The following KLF12 variants were observed in gnomAD, a reference collection of about 807,000 sequenced individuals.
KLF12 encodes Krueppel-like factor 12.
Under a neutral mutation model 37.8 loss-of-function variants are expected in KLF12, and 9 were observed. That is an observed-to-expected ratio of 0.24 (90% CI 0.14 to 0.42). The LOEUF (loss-of-function observed/expected upper bound fraction) is 0.42, where lower values mean the gene tolerates loss of function less well. KLF12 is among the 10% of genes least tolerant of loss of function. The pLI is 1.00. For missense variants in KLF12, 411 were observed against 516.0 expected (o/e 0.80, Z 1.97); for synonymous variants, 208 against 202.1 (o/e 1.03, Z -0.25).
intron 4 of KLF12, among the ~76,000 whole-genome samples, chr13:73,819,487 T>C (rs569793290): frequency 3.7e-4 from 56 of 152,310 alleles, no homozygotes; most frequent in African/African-American, 1.3e-3. Flanking sequence ...TTGGATAATA[T>C]ATAAAACTAC....
At chr13:73,910,428 A>G (rs998860694) in intron 3 of KLF12, among the ~76,000 whole-genome samples, 1 of 152,186 alleles carries the variant, frequency 6.6e-6, no homozygotes, top group Non-Finnish European at 1.5e-5. Flanking sequence ...ATAATCTTAA[A>G]CTACAGATTG....
chr13:74,123,301 G>C (rs938030600), intron 1 of KLF12, among the ~76,000 whole-genome samples: 2 of 152,094 alleles, frequency 1.3e-5, no homozygotes, highest in Non-Finnish European at 2.9e-5. Flanking sequence ...ACCTAAATAG[G>C]AAAAGTTTTT....
chr13:74,052,979 G>A (rs942881549), intron 1 of KLF12, among the ~76,000 whole-genome samples: 12 of 152,006 alleles, frequency 7.9e-5, no homozygotes, highest in Admixed American at 1.3e-4. Context: ...ATCCACCACC[G>A]TCATACAAGA....
intron 7 of KLF12, among the ~76,000 whole-genome samples, chr13:73,704,648 G>A (rs1874803557): frequency 6.6e-6 from 1 of 152,152 alleles, no homozygotes; most frequent in Non-Finnish European, 1.5e-5. Context: ...CCATGCTGTA[G>A]AGAAAGAAAA....
the KLF12 span, among the ~76,000 whole-genome samples, chr13:74,243,176 A>C: frequency 6.6e-6 from 1 of 151,540 alleles, no homozygotes; most frequent in Non-Finnish European, 1.5e-5. Flanking sequence ...TCATTGTTCA[A>C]CTCCCACTTA....
chr13:74,003,197 G>A (rs1328104997), intron 1 of KLF12, among the ~76,000 whole-genome samples: 8 of 152,202 alleles, frequency 5.3e-5, no homozygotes, highest in Non-Finnish European at 7.3e-5. Flanking sequence ...ATAGTGGGAA[G>A]TGGAAGGAAA....
intron 5 of KLF12, 116 bp downstream of exon 5, chr13:73,813,036 A>G (rs551396249): frequency 6.3e-5 from 68 of 1,072,708 alleles, no homozygotes; most frequent in Non-Finnish European, 8.6e-5. Flanking sequence ...AGCTGCTGAC[A>G]TTCGTGCCAG....
At chr13:73,999,984 T>C (rs917347453) in intron 1 of KLF12, among the ~76,000 whole-genome samples, 2 of 152,148 alleles carry the variant, frequency 1.3e-5, no homozygotes, top group Admixed American at 6.5e-5. Context: ...TTGGGAGTAA[T>C]GTGACCTGGG....
chr13:74,275,778 T>TTTTCTTTCTTTCTTTCTTTCCTTC, the KLF12 span, among the ~76,000 whole-genome samples: 1 of 93,836 alleles, frequency 1.1e-5, no homozygotes, highest in African/African-American at 4.4e-5. Flanking sequence ...ATGCCTGTCT[T>TTTTCTTTCTTTCTTTCTTTCCTTC]TTTCTTTCTT....
At chr13:74,228,113 C>T in the KLF12 span, among the ~76,000 whole-genome samples, 2 of 152,060 alleles carry the variant, frequency 1.3e-5, no homozygotes, top group African/African-American at 2.4e-5. Context: ...TTTTAAATGT[C>T]GGTTTTCTTC....
chr13:73,959,733 T>G (rs1298028509), intron 2 of KLF12, among the ~76,000 whole-genome samples: 1 of 152,090 alleles, frequency 6.6e-6, no homozygotes, highest in Non-Finnish European at 1.5e-5. Flanking sequence ...TAAAGAGACA[T>G]TTTAGGAACC....
the KLF12 span, among the ~76,000 whole-genome samples, chr13:74,263,447 A>G: frequency 6.6e-6 from 1 of 152,208 alleles, no homozygotes; most frequent in Non-Finnish European, 1.5e-5. Flanking sequence ...TGGGTTTGAG[A>G]TCATTGCTTT....
In KLF12 at chr13:73,765,004, T is replaced by C; in HGVS notation, c.807-4A>G. The C allele has an allele frequency of 6.5e-7, 1 of 1,526,994 alleles. No individual in the cohort carries two copies. The highest frequency in any genetic ancestry group is 9.0e-7 in the Non-Finnish European group (1 of 1,114,858). 94.6% of individuals were successfully genotyped at this position (1,526,994 alleles called of 1,614,324 possible). A position where few individuals can be genotyped will look rare whatever the true frequency, so the allele number is the denominator to read the frequency against. Reference sequence around the variant, plus strand: ...TGATACTGGGGACGGATGTACCCTGTAGACAGAGAAGAATAATCCAGTCAT... The same window carrying C: ...TGATACTGGGGACGGATGTACCCTGCAGACAGAGAAGAATAATCCAGTCAT... On this transcript the variant is annotated splice_region_variant and splice_polypyrimidine_tract_variant and intron_variant, in intron 5 of 7. Coordinates refer to ENST00000377669, the MANE Select transcript of KLF12 (RefSeq NM_007249.5).
chr13:74,036,284 C>T (rs187202348), intron 1 of KLF12, among the ~76,000 whole-genome samples: 1 of 152,316 alleles, frequency 6.6e-6, no homozygotes, highest in East Asian at 1.9e-4. Flanking sequence ...TCTGAAGAGA[C>T]TCTTAGTTCT....
At chr13:74,065,679 A>C (rs753223185) in intron 1 of KLF12, among the ~76,000 whole-genome samples, 17 of 152,108 alleles carry the variant, frequency 1.1e-4, no homozygotes, top group Non-Finnish European at 2.5e-4. Flanking sequence ...ATAAATTCCC[A>C]GTTTCTGAGC....
At chr13:73,887,060 C>T (rs948175284) in intron 3 of KLF12, among the ~76,000 whole-genome samples, 4 of 151,518 alleles carry the variant, frequency 2.6e-5, no homozygotes, top group African/African-American at 9.7e-5. Context: ...AGCAAAACCA[C>T]TCACTCACTA....
chr13:74,244,625 A>ATT, the KLF12 span, among the ~76,000 whole-genome samples: 1 of 152,230 alleles, frequency 6.6e-6, no homozygotes, highest in African/African-American at 2.4e-5. Context: ...GGTAAGAAGA[A>ATT]TATCTGCCCT....
At chr13:74,192,050 C>T in the KLF12 span, among the ~76,000 whole-genome samples, 2 of 151,904 alleles carry the variant, frequency 1.3e-5, no homozygotes, top group African/African-American at 4.8e-5. Context: ...CACATTCAAA[C>T]TTATTGTAAC....
At chr13:73,774,486 C>T (rs1395990641) in intron 5 of KLF12, among the ~76,000 whole-genome samples, 2 of 152,042 alleles carry the variant, frequency 1.3e-5, no homozygotes, top group South Asian at 2.1e-4. Flanking sequence ...CAGATCCATC[C>T]GTCACTTCCT....
Sources: gnomAD v4.1 joint callset for allele counts (sites outside exome capture counted in the v4.1 genomes callset) on GRCh38, gnomAD v4.1.1 for gene constraint, MANE v1.5 for transcripts, NCBI Gene and HGNC (gene_info 2026-07-23, HGNC 2026-07-21) for gene names.